Variants in PRKAB1 observed in about 807,000 individuals in gnomAD.
PRKAB1 encodes protein kinase AMP-activated non-catalytic subunit beta 1.
In PRKAB1, 18 loss-of-function variants were observed where a neutral mutation model predicts 32.0. The ratio of observed to expected loss-of-function variants is 0.56; its 90% CI spans 0.39 to 0.83. The LOEUF (loss-of-function observed/expected upper bound fraction) is 0.83, where lower values mean the gene tolerates loss of function less well. Among genes scored for constraint, PRKAB1 ranks in the 40% least tolerant of loss-of-function variants. The probability of loss-of-function intolerance (pLI) is 0.00; values close to 1 mark genes in which losing one functional copy is unlikely to be tolerated. For synonymous variants in PRKAB1, 141 were observed against 141.4 expected, an observed-to-expected ratio of 1.00 and a Z score of 0.02; for missense variants, 263 against 352.6, an observed-to-expected ratio of 0.75 and a Z score of 2.03.
At chr12:119,675,640 C>A (rs1434902468) in intron 4 of PRKAB1, among the ~76,000 whole-genome samples, 1 of 152,238 alleles carries the variant, frequency 6.6e-6, no homozygotes, top group African/African-American at 2.4e-5. Context: ...TCTGTTTCGA[C>A]ACTTACTTCC....
rs182585398 is a variant in PRKAB1, at chr12:119,672,971, A to G, written c.323+507A>G. Among the ~76,000 whole-genome samples the G allele has an allele frequency of 5.3e-5, 8 of 152,314 alleles. No homozygotes were observed. In the East Asian group the frequency reaches 1.2e-3, roughly 22 times the overall value. ...TGGCTGGGCATGGGGGCTCATGCCT[A>G]TGATCTCAGCACTTTTGGGGGCTGA... On this transcript the variant is annotated intron_variant, in intron 2 of 6. Transcript: ENST00000229328.
At chr12:119,670,547 A>G (rs535823853) in intron 1 of PRKAB1, among the ~76,000 whole-genome samples, 2 of 152,328 alleles carry the variant, frequency 1.3e-5, no homozygotes, top group African/African-American at 4.8e-5. Flanking sequence ...TTTCCCCAGG[A>G]GGTAATTTTG....
In PRKAB1 at chr12:119,674,017, A is replaced by C. The variant is rs202243548; in HGVS notation, c.377A>C (p.Lys126Thr). Residue 126 changes from lysine to threonine, a missense_variant, in exon 3 of 7, where the codon AAG (lysine) becomes ACG (threonine). Coordinates refer to ENST00000229328, the MANE Select transcript of PRKAB1 (RefSeq NM_006253.5). This position sits in a 1 kb window ranked among gnomAD's most constrained non-coding sequence, Gnocchi z 4.3. Reference sequence around the variant, plus strand: ...CTGCCGGAAGGAGAGCATCAGTACAAGTTCTTTGTGGATGGTCAGTGGACG... The same window carrying C: ...CTGCCGGAAGGAGAGCATCAGTACACGTTCTTTGTGGATGGTCAGTGGACG... Reference protein sequence around the residue: ...LDLPEGEHQYKFFVDGQWTHD... With the variant: ...LDLPEGEHQYTFFVDGQWTHD... 65 of 1,614,050 alleles carry C rather than the reference A, an allele frequency of 4.0e-5. No individual in the cohort carries two copies. The Admixed American group carries it at 1.1e-3, about 27-fold the overall frequency.
intron 1 of PRKAB1, among the ~76,000 whole-genome samples, chr12:119,669,095 C>G (rs1284896595): frequency 2.0e-5 from 3 of 146,646 alleles, no homozygotes; most frequent in Non-Finnish European, 4.5e-5. Context: ...CCAGCCTGGG[C>G]GACAGAGCTA....
chr12:119,675,243 C>T (rs909914927), intron 4 of PRKAB1, among the ~76,000 whole-genome samples: 4 of 152,194 alleles, frequency 2.6e-5, no homozygotes, highest in Admixed American at 6.5e-5. Context: ...AAACAGATTC[C>T]GTTCGTTGAC....
chr12:119,677,761 G>GT (rs58948706), intron 5 of PRKAB1: 39,237 of 99,586 alleles, frequency 0.39, 8,616 homozygotes, highest in East Asian at 0.47. Flanking sequence ...AGTGAGGTTT[G>GT]TTTTTTTTTT....
chr12:119,670,763 T>G, intron 1 of PRKAB1, among the ~76,000 whole-genome samples: 1 of 152,372 alleles, frequency 6.6e-6, no homozygotes, highest in Non-Finnish European at 1.5e-5. Context: ...CGTGAATTCT[T>G]TTAACTACAC....
At position 119,668,319 on chromosome 12, in the gene PRKAB1, G is replaced by T. The variant is rs768651620; in HGVS notation, c.75G>T (p.Ser25=). ...GGHKTPRRDS[S]GGTKDGDRPK... Reference sequence around the variant, plus strand: ...ATAAGACGCCCCGGAGGGACAGCTCGGGGGGCACCAAGGACGGGGACAGGC... The same window carrying T: ...ATAAGACGCCCCGGAGGGACAGCTCTGGGGGCACCAAGGACGGGGACAGGC... Residue 25 remains serine, a synonymous_variant, in exon 1 of 7, where the codon TCG becomes TCT. Transcript: ENST00000229328. 7 of 1,612,888 alleles carry T rather than the reference G, an allele frequency of 4.3e-6. No individual in the cohort carries two copies. The South Asian group carries it at 7.7e-5, about 18-fold the overall frequency.
At chr12:119,676,773 T>C in intron 5 of PRKAB1, 103 bp downstream of exon 5, 1 of 1,422,504 alleles carries the variant, frequency 7.0e-7, no homozygotes. Context: ...GCAAGCTCAG[T>C]GTCACCCCCT....
At position 119,676,670 on chromosome 12, in the gene PRKAB1, C is replaced by T. The variant is rs146667625; in HGVS notation, c.666C>T (p.Ser222=). The T allele has an allele frequency of 2.6e-4, 415 of 1,613,392 alleles. 1 individual carries two copies. Among genetic ancestry groups the T allele is most frequent in the Middle Eastern group, 4.9e-4 (3 of 6,080 alleles). The change falls in exon 5 of 7, where the codon TCC becomes TCT. Residue 222 remains serine (S), a splice_region_variant and synonymous_variant. Transcript: ENST00000229328. The stretch of plus-strand genomic sequence containing the variant: ...TCCTGAACAAGGACACGGGGATTTC[C>T]GTAAGTATGTGGGCATCTGCCCGGA... The part of the protein sequence containing the change: ...QVILNKDTGI[S]CDPALLPEPN...
chr12:119,674,164 C>T lies in PRKAB1; in HGVS notation c.417+107C>T, dbSNP rs1330747460. 6 of 1,152,876 alleles carry T rather than the reference C, an allele frequency of 5.2e-6. No homozygotes were observed. Among genetic ancestry groups the T allele is most frequent in the South Asian group, 2.8e-5 (2 of 71,320 alleles). The allele number at this position is 1,152,876 out of a possible 1,614,324, so 71.4% of individuals were successfully genotyped here. ...CCTTTGCCCAGCTAGTAAAAGTCCC[C>T]GTGTGTGGCAGAGCTGAGTAGCAGC... is the stretch of plus-strand genomic sequence containing the variant. On this transcript the variant is annotated intron_variant, in intron 3 of 6. Transcript: ENST00000229328. This position sits in a 1 kb window ranked among gnomAD's most constrained non-coding sequence, Gnocchi z 4.3.
Position 119,680,649 on chromosome 12 carries a change from C to T in PRKAB1, c.*324C>T, listed in dbSNP as rs1955458313. The T allele has an allele frequency of 7.4e-6, 2 of 271,470 alleles. No individual in the cohort carries two copies. The highest frequency in any genetic ancestry group is 4.8e-5 in the Admixed American group (1 of 20,706). The allele number at this position is 271,470 out of a possible 1,614,324, so 16.8% of individuals were successfully genotyped here. A position where few individuals can be genotyped will look rare whatever the true frequency, so the allele number is the denominator to read the frequency against. On this transcript the variant is annotated 3_prime_UTR_variant, in exon 7 of 7. Transcript: ENST00000229328. The stretch of plus-strand genomic sequence containing the variant: ...GGGTGCAGTTCTAAACCTACATTCT[C>T]GATTTTTCTTAAGCCAAAAATGAAT...
At chr12:119,675,389 G>C (rs1955416380) in intron 4 of PRKAB1, among the ~76,000 whole-genome samples, 1 of 152,188 alleles carries the variant, frequency 6.6e-6, no homozygotes, top group Admixed American at 6.5e-5. Context: ...AGCAGGACTT[G>C]GAAATCCGAA....
chr12:119,672,614 TG>T, intron 2 of PRKAB1, 150 bp downstream of exon 2: 1 of 814,364 alleles, frequency 1.2e-6, no homozygotes. Flanking sequence ...AAGGTTCAAA[TG>T]TTAAACCTTG....
In PRKAB1 at chr12:119,680,417, C is replaced by T; in HGVS notation, c.*92C>T. 7.9e-7 allele frequency: 1 copy of T among 1,268,374 alleles called. No homozygotes were observed. The highest frequency in any genetic ancestry group is 1.9e-5 in the Admixed American group (1 of 52,750). 78.6% of individuals were successfully genotyped at this position (1,268,374 alleles called of 1,614,324 possible). The stretch of plus-strand genomic sequence containing the variant: ...CCAAGAGGGAATGGACTGTACATTG[C>T]TCATTTCACACTCTTCAGAAGACAT... On this transcript the variant is annotated 3_prime_UTR_variant, in exon 7 of 7. Transcript: ENST00000229328.
chr12:119,676,660 C>T lies in PRKAB1; in HGVS notation c.656C>T (p.Thr219Met), dbSNP rs373173905. 89 of 1,613,792 alleles carry T rather than the reference C, an allele frequency of 5.5e-5. No individual in the cohort carries two copies. Among genetic ancestry groups the T allele is most frequent in the Non-Finnish European group, 6.9e-5 (82 of 1,179,926 alleles). Reference sequence around the variant, plus strand: ...CTCCAGGTCATCCTGAACAAGGACACGGGGATTTCCGTAAGTATGTGGGCA... The same window carrying T: ...CTCCAGGTCATCCTGAACAAGGACATGGGGATTTCCGTAAGTATGTGGGCA... The part of the protein sequence containing the change: ...HLLQVILNKD[T>M]GISCDPALLP... Residue 219 changes from threonine (T) to methionine (M), a missense_variant, in exon 5 of 7, where the codon ACG (threonine) becomes ATG (methionine). Thr to Met is a moderately conservative substitution (Grantham distance 81). Coordinates refer to ENST00000229328, the MANE Select transcript of PRKAB1 (RefSeq NM_006253.5).
Position 119,679,082 on chromosome 12 carries a change from A to G in PRKAB1, c.667-851A>G, listed in dbSNP as rs912532469. 22 of 152,222 alleles carry G rather than the reference A, an allele frequency of 1.4e-4. No homozygotes were observed. The highest frequency in any genetic ancestry group is 5.1e-4 in the African/African-American group (21 of 41,454). The allele number at this position is 152,222 out of a possible 1,614,324, so 9.4% of individuals were successfully genotyped here. A position where few individuals can be genotyped will look rare whatever the true frequency, so the allele number is the denominator to read the frequency against. ...CATTCCACAATGTGTCCATATTTCA[A>G]AACAACATATTGTACATGGTAAATA... On this transcript the variant is annotated intron_variant, in intron 5 of 6. Coordinates refer to ENST00000229328, the MANE Select transcript of PRKAB1 (RefSeq NM_006253.5). This position sits in a 1 kb window ranked among gnomAD's most constrained non-coding sequence, Gnocchi z 4.1.
rs1323406401 is a variant in PRKAB1, at chr12:119,674,561, T to C, written c.532+107T>C. ...CTTGAGCTGAAGCTGCCCAGTCAGATAGGCATTTATAGCCCCCACTTAAAG... is the reference window on the plus strand; with the variant it reads ...CTTGAGCTGAAGCTGCCCAGTCAGACAGGCATTTATAGCCCCCACTTAAAG... On this transcript the variant is annotated intron_variant, in intron 4 of 6. Coordinates refer to ENST00000229328, the MANE Select transcript of PRKAB1 (RefSeq NM_006253.5). This position sits in a 1 kb window ranked among gnomAD's most constrained non-coding sequence, Gnocchi z 4.3. 4.2e-6 allele frequency: 3 copies of C among 720,882 alleles called. No homozygotes were observed. Among genetic ancestry groups the C allele is most frequent in the African/African-American group, 1.8e-5 (1 of 55,554 alleles). The allele number at this position is 720,882 out of a possible 1,614,324, so 44.7% of individuals were successfully genotyped here. A position where few individuals can be genotyped will look rare whatever the true frequency, so the allele number is the denominator to read the frequency against.
intron 2 of PRKAB1, chr12:119,673,722 G>A (rs1202045106): frequency 2.5e-6 from 1 of 392,534 alleles, no homozygotes; most frequent in Non-Finnish European, 4.5e-6. Flanking sequence ...CATTAGGGAT[G>A]TGGTTTCCTG....
Sources: allele counts gnomAD v4.1 joint callset (sites outside exome capture counted in the v4.1 genomes callset), GRCh38; gene constraint gnomAD v4.1.1; non-coding constraint Gnocchi (gnomAD v3.1); transcripts MANE v1.5; gene names NCBI Gene and HGNC (gene_info 2026-07-23, HGNC 2026-07-21).